The following BICC1 variants were observed in gnomAD, a reference collection of about 807,000 sequenced individuals.
The protein encoded by BICC1 is protein bicaudal C homolog 1.
In BICC1, 43 loss-of-function variants were observed where a neutral mutation model predicts 111.0. The ratio of observed to expected loss-of-function variants is 0.39; its 90% CI spans 0.30 to 0.50. The LOEUF (loss-of-function observed/expected upper bound fraction) is 0.50. Among genes scored for constraint, BICC1 ranks in the 20% least tolerant of loss-of-function variants. The pLI, the probability that BICC1 is intolerant of heterozygous loss-of-function variation, is 0.88. For missense variants in BICC1, 1,091 were observed against 1,203.2 expected, an observed-to-expected ratio of 0.91 and a Z score of 1.38; for synonymous variants, 467 against 434.4, an observed-to-expected ratio of 1.07 and a Z score of -0.93.
At chr10:58,521,018 T>C (rs940427185) in intron 1 of BICC1, among the ~76,000 whole-genome samples, 2 of 152,164 alleles carry the variant, frequency 1.3e-5, no homozygotes, top group African/African-American at 4.8e-5. Context: ...ATACCTCCTA[T>C]CTTTTTCACT....
rs1363298897 is a variant in BICC1 at position 58,756,799 on chromosome 10, T to TG, written c.308-28201dup. On this transcript the variant is annotated intron_variant, in intron 3 of 20. Transcript: ENST00000373886. ...ATTGAACACTTTAGCAACATTAAGA[T>TG]GCCTTTTATAATGGATCTGTCTTAC... 1.4e-4 allele frequency among the ~76,000 whole-genome samples: 22 copies of TG among 152,280 alleles called. 1 individual carries two copies. In the East Asian group the frequency reaches 4.2e-3, roughly 29 times the overall value.
intron 1 of BICC1, among the ~76,000 whole-genome samples, chr10:58,564,157 C>T (rs1372421386): frequency 6.6e-6 from 1 of 152,130 alleles, no homozygotes; most frequent in African/African-American, 2.4e-5. Flanking sequence ...GTTTTGGTCA[C>T]TCTTCTTTTT....
At position 58,795,298 on chromosome 10, in the gene BICC1, T is replaced by C. The variant is rs1843317539; in HGVS notation, c.1180-1042T>C. ...TCTTGCCTTCTCCCAAAGAAAACTTTAAAGGAAAAGATAGCATTGATTCTA... is the reference window on the plus strand; with the variant it reads ...TCTTGCCTTCTCCCAAAGAAAACTTCAAAGGAAAAGATAGCATTGATTCTA... On this transcript the variant is annotated intron_variant, in intron 9 of 20. Transcript: ENST00000373886. Among the ~76,000 whole-genome samples, 3 of 152,200 alleles carry C rather than the reference T, an allele frequency of 2.0e-5. No homozygotes were observed. In the South Asian group the frequency reaches 6.2e-4, roughly 31 times the overall value.
intron 2 of BICC1, among the ~76,000 whole-genome samples, chr10:58,661,454 A>G (rs1289076776): frequency 1.3e-5 from 2 of 152,210 alleles, no homozygotes; most frequent in African/African-American, 4.8e-5. Context: ...AAACCTGATT[A>G]TAGTCAAAAG....
At chr10:58,514,681 CT>C (rs1491055460) in intron 1 of BICC1, among the ~76,000 whole-genome samples, 1 of 132,130 alleles carries the variant, frequency 7.6e-6, no homozygotes, top group African/African-American at 2.9e-5. Context: ...CCTTCCCTCT[CT>C]TTTTTTCTCA....
intron 2 of BICC1, among the ~76,000 whole-genome samples, chr10:58,634,853 A>G (rs1216045647): frequency 1.3e-5 from 2 of 152,208 alleles, no homozygotes; most frequent in Non-Finnish European, 2.9e-5. Context: ...ATCTAGAGAA[A>G]ATAAAATATT....
intron 3 of BICC1, among the ~76,000 whole-genome samples, chr10:58,710,782 A>T (rs970013140): frequency 6.6e-6 from 1 of 152,156 alleles, no homozygotes; most frequent in Non-Finnish European, 1.5e-5. Flanking sequence ...AATCTTCGAA[A>T]GTACTGTTTG....
intron 2 of BICC1, among the ~76,000 whole-genome samples, chr10:58,689,942 C>T (rs1404669154): frequency 6.6e-6 from 1 of 152,122 alleles, no homozygotes; most frequent in Non-Finnish European, 1.5e-5. Flanking sequence ...TGATGCATTA[C>T]AAATTTGATA....
intron 3 of BICC1, among the ~76,000 whole-genome samples, chr10:58,708,746 CAAGG>C (rs1840480024): frequency 6.6e-6 from 1 of 152,044 alleles, no homozygotes; most frequent in African/African-American, 2.4e-5. Context: ...ACGTGGTTGA[CAAGG>C]AAAGGGGAAG....
intron 1 of BICC1, among the ~76,000 whole-genome samples, chr10:58,592,152 C>T (rs961479252): frequency 6.6e-6 from 1 of 152,156 alleles, no homozygotes; most frequent in Admixed American, 6.5e-5. Context: ...GTATTAATTA[C>T]CCTTATTTGA....
intron 2 of BICC1, among the ~76,000 whole-genome samples, chr10:58,701,311 G>A (rs1564562855): frequency 6.6e-6 from 1 of 152,142 alleles, no homozygotes; most frequent in Non-Finnish European, 1.5e-5. Context: ...CATTAATCTA[G>A]TGTAATTCAC....
chr10:58,627,399 A>G (rs1564520146), intron 2 of BICC1, among the ~76,000 whole-genome samples: 1 of 152,220 alleles, frequency 6.6e-6, no homozygotes, highest in Non-Finnish European at 1.5e-5. Context: ...AGGTTTGTAT[A>G]TTATTTTGTA....
intron 14 of BICC1, among the ~76,000 whole-genome samples, chr10:58,802,544 A>G (rs1403562636): frequency 6.6e-6 from 1 of 152,148 alleles, no homozygotes; most frequent in Non-Finnish European, 1.5e-5. Context: ...CCCCCTCAAC[A>G]GACTTTGAAG....
chr10:58,566,365 CAT>C (rs1196218806), intron 1 of BICC1, among the ~76,000 whole-genome samples: 1 of 151,902 alleles, frequency 6.6e-6, no homozygotes. Context: ...TATACACACA[CAT>C]ATATGTACAC....
intron 3 of BICC1, among the ~76,000 whole-genome samples, chr10:58,764,695 A>T (rs1015016995): frequency 2.0e-5 from 3 of 150,522 alleles, no homozygotes; most frequent in Non-Finnish European, 4.4e-5. Context: ...AAAACAAGAA[A>T]GGGGACAGGT....
chr10:58,561,301 CT>C (rs1233422251), intron 1 of BICC1, among the ~76,000 whole-genome samples: 4 of 151,710 alleles, frequency 2.6e-5, no homozygotes, highest in Non-Finnish European at 4.4e-5. Context: ...TATATAATGA[CT>C]TTTTTTCTCT....
chr10:58,819,704 T>A (rs1844198958), intron 19 of BICC1, among the ~76,000 whole-genome samples: 1 of 152,286 alleles, frequency 6.6e-6, no homozygotes, highest in East Asian at 1.9e-4. Flanking sequence ...CAGCTAGTAA[T>A]GGCAGAGTCA....
rs910994883 is a variant in BICC1 at position 58,645,315 on chromosome 10, A to T, written c.237+24414A>T. Among the ~76,000 whole-genome samples, 4 of 147,598 alleles carry T rather than the reference A, an allele frequency of 2.7e-5. No homozygotes were observed. In the South Asian group the frequency reaches 9.0e-4, roughly 33 times the overall value. On this transcript the variant is annotated intron_variant, in intron 2 of 20. Coordinates refer to ENST00000373886, the MANE Select transcript of BICC1 (RefSeq NM_001080512.3). The stretch of plus-strand genomic sequence containing the variant: ...TCCCAGCTACTCGGGAGGCTGAGGC[A>T]GGAGAATGGTGAACCCGGGAGGCGG...
chr10:58,599,929 G>GGTGTGTGTGT lies in BICC1; in HGVS notation c.191-20909_191-20900dup, dbSNP rs59937252. ...TCTTTCACAAAATCTAACTAAAGAGGGTGTGTGTGTGTGTGTGTGTGTGTG... is the reference window on the plus strand; with the variant it reads ...TCTTTCACAAAATCTAACTAAAGAGGGTGTGTGTGTGTGTGTGTGTGTGTGTGTGTGTGTG... On this transcript the variant is annotated intron_variant, in intron 1 of 20. Transcript: ENST00000373886. Among the ~76,000 whole-genome samples the GGTGTGTGTGT allele has an allele frequency of 7.6e-3, 1,134 of 149,876 alleles. 7 individuals carry two copies. The highest frequency in any genetic ancestry group is 8.8e-3 in the Non-Finnish European group (591 of 67,430).
Sources: allele counts gnomAD v4.1 joint callset (sites outside exome capture counted in the v4.1 genomes callset), GRCh38; gene constraint gnomAD v4.1.1; transcripts MANE v1.5; gene names NCBI Gene and HGNC (gene_info 2026-07-23, HGNC 2026-07-21).